The following CCDC192 variants were observed in gnomAD, a reference collection of about 807,000 sequenced individuals.
The protein encoded by CCDC192 is coiled-coil domain containing 192, also known as coiled-coil domain-containing protein 192.
At chr5:127,891,579 G>C (rs886781670) in intron 6 of CCDC192, among the ~76,000 whole-genome samples, 3 of 152,052 alleles carry the variant, frequency 2.0e-5, no homozygotes, top group Non-Finnish European at 2.9e-5. Context: ...GTACTTATTT[G>C]CCTCATCTCA....
chr5:127,794,284 G>C (rs1162687924), intron 3 of CCDC192, among the ~76,000 whole-genome samples: 1 of 152,186 alleles, frequency 6.6e-6, no homozygotes, highest in African/African-American at 2.4e-5. Flanking sequence ...AAATTTGGGT[G>C]TAGGGAGTCA....
intron 6 of CCDC192, among the ~76,000 whole-genome samples, chr5:127,935,907 C>T (rs1188771255): frequency 6.6e-6 from 1 of 152,078 alleles, no homozygotes; most frequent in Non-Finnish European, 1.5e-5. Flanking sequence ...GAGTTCGAGA[C>T]CACCCTGGTC....
chr5:127,746,828 C>G (rs529836082), intron 2 of CCDC192, among the ~76,000 whole-genome samples: 12 of 152,016 alleles, frequency 7.9e-5, no homozygotes, highest in Non-Finnish European at 1.6e-4. Context: ...TTTGCCCCTC[C>G]TCCCATAGAA....
chr5:127,898,445 T>C lies in CCDC192; in HGVS notation c.535+22784T>C, dbSNP rs79671186. Among the ~76,000 whole-genome samples the C allele has an allele frequency of 2.6e-3, 395 of 152,276 alleles. 2 individuals carry two copies. The highest frequency in any genetic ancestry group is 9.2e-3 in the African/African-American group (382 of 41,562). On this transcript the variant is annotated intron_variant, in intron 6 of 6. Transcript: ENST00000514853. ...TAATAGAGGAGAGGAGCTGGTTTAG[T>C]TCCTTGATTCAGAGTTTCCTATATA...
intron 5 of CCDC192, among the ~76,000 whole-genome samples, chr5:127,867,312 A>AAAAGC (rs1301977561): frequency 6.6e-6 from 1 of 152,224 alleles, no homozygotes; most frequent in African/African-American, 2.4e-5. Flanking sequence ...TGGACACAGA[A>AAAAGC]AAAGCAAAGT....
At chr5:127,839,225 AT>A (rs1297488992) in intron 5 of CCDC192, among the ~76,000 whole-genome samples, 55 of 152,354 alleles carry the variant, frequency 3.6e-4, no homozygotes, top group African/African-American at 1.3e-3. Context: ...TAAGTGTTAA[AT>A]TACAGTACAA....
intron 6 of CCDC192, among the ~76,000 whole-genome samples, chr5:127,908,272 C>G (rs917551361): frequency 1.3e-5 from 2 of 152,078 alleles, no homozygotes; most frequent in African/African-American, 4.8e-5. Context: ...ACATTTATTT[C>G]CCCTGGTCAT....
intron 3 of CCDC192, chr5:127,786,004 A>G: frequency 1.7e-6 from 1 of 587,114 alleles, no homozygotes; most frequent in South Asian, 1.9e-5. Flanking sequence ...AATAGCTAAA[A>G]GACCCTGATT....
intron 2 of CCDC192, among the ~76,000 whole-genome samples, chr5:127,709,990 G>A (rs1365414104): frequency 6.6e-6 from 1 of 152,160 alleles, no homozygotes; most frequent in Non-Finnish European, 1.5e-5. Flanking sequence ...AGGACAAGGT[G>A]CCAATTACCT....
At chr5:127,825,650 C>T (rs1749493526) in intron 5 of CCDC192, among the ~76,000 whole-genome samples, 2 of 152,234 alleles carry the variant, frequency 1.3e-5, no homozygotes, top group Admixed American at 1.3e-4. Context: ...CATATACATT[C>T]TTCCTTTTAT....
At chr5:127,894,544 GT>G (rs1051428054) in intron 6 of CCDC192, among the ~76,000 whole-genome samples, 51 of 152,246 alleles carry the variant, frequency 3.3e-4, no homozygotes, top group African/African-American at 1.2e-3. Flanking sequence ...GCCATGACAT[GT>G]TAACTTTGAA....
chr5:127,786,577 T>G, intron 3 of CCDC192: 1 of 707,898 alleles, frequency 1.4e-6, no homozygotes, highest in Admixed American at 1.9e-5. Flanking sequence ...GGAATAGATT[T>G]CACATATTCC....
At chr5:127,885,066 G>A (rs1752512275) in intron 6 of CCDC192, among the ~76,000 whole-genome samples, 1 of 151,510 alleles carries the variant, frequency 6.6e-6, no homozygotes, top group Non-Finnish European at 1.5e-5. Context: ...AGGAAATGGT[G>A]TTCCCTTCCT....
chr5:127,885,781 A>G (rs1024171919), intron 6 of CCDC192, among the ~76,000 whole-genome samples: 2 of 152,154 alleles, frequency 1.3e-5, no homozygotes, highest in African/African-American at 2.4e-5. Flanking sequence ...TGTTATATGT[A>G]TCTAATATGT....
chr5:127,908,069 T>C (rs760728350), intron 6 of CCDC192, among the ~76,000 whole-genome samples: 7 of 152,260 alleles, frequency 4.6e-5, no homozygotes, highest in African/African-American at 1.7e-4. Flanking sequence ...CCATTAAAGA[T>C]TGGCTTAATG....
At chr5:127,768,233 C>T (rs887460024) in intron 3 of CCDC192, among the ~76,000 whole-genome samples, 1 of 151,718 alleles carries the variant, frequency 6.6e-6, no homozygotes, top group Non-Finnish European at 1.5e-5. Context: ...GCCTGGGTGA[C>T]AGAGAGAGAC....
intron 5 of CCDC192, among the ~76,000 whole-genome samples, chr5:127,821,028 T>C (rs930680984): frequency 8.5e-5 from 13 of 152,102 alleles, no homozygotes; most frequent in Non-Finnish European, 1.9e-4. Context: ...ACACACTACA[T>C]GTACACACAC....
intron 2 of CCDC192, among the ~76,000 whole-genome samples, chr5:127,725,377 CAG>C (rs1360321377): frequency 6.6e-6 from 1 of 152,074 alleles, no homozygotes; most frequent in African/African-American, 2.4e-5. Flanking sequence ...CACTGTCCAA[CAG>C]AAATATATTT....
At chr5:127,811,043 T>C (rs1758053404) in intron 5 of CCDC192, among the ~76,000 whole-genome samples, 1 of 152,186 alleles carries the variant, frequency 6.6e-6, no homozygotes, top group South Asian at 2.1e-4. Flanking sequence ...TCCTGGTCTA[T>C]ATACAACACT....
Sources: gnomAD v4.1 joint callset for allele counts (sites outside exome capture counted in the v4.1 genomes callset) on GRCh38, gnomAD v4.1.1 for gene constraint, MANE v1.5 for transcripts, NCBI Gene and HGNC (gene_info 2026-07-23, HGNC 2026-07-21) for gene names.